SPOPL: variants seen among roughly 807,000 people sequenced by gnomAD.
SPOPL encodes the protein speckle-type POZ protein-like.
Under a neutral mutation model 53.8 loss-of-function variants are expected in SPOPL, and 23 were observed. That is an observed-to-expected ratio of 0.43 (90% CI 0.31 to 0.61). SPOPL has a LOEUF of 0.61. Ranked by LOEUF, SPOPL falls within the 20% of genes least tolerant of loss-of-function variation. The pLI is 0.12. For missense variants in SPOPL, 442 were observed against 466.9 expected (o/e 0.95, Z 0.49); for synonymous variants, 164 against 149.7 (o/e 1.10, Z -0.70).
intron 7 of SPOPL, 98 bp from the exon 8 acceptor site, chr2:138,560,707 A>C: frequency 7.7e-7 from 1 of 1,303,676 alleles, no homozygotes; most frequent in South Asian, 1.5e-5. Context: ...ATTTTAGTGT[A>C]GATTTAGGGC....
At chr2:138,507,954 T>G (rs1573864111) in intron 1 of SPOPL, among the ~76,000 whole-genome samples, 3 of 152,230 alleles carry the variant, frequency 2.0e-5, no homozygotes, top group Admixed American at 6.5e-5. Flanking sequence ...AGTGACTTAT[T>G]ATGGAAGAAA....
intron 1 of SPOPL, among the ~76,000 whole-genome samples, chr2:138,515,141 G>A (rs1050998712): frequency 2.0e-5 from 3 of 152,156 alleles, no homozygotes; most frequent in South Asian, 2.1e-4. Context: ...GAAAATTATA[G>A]CTCCGCAGTG....
At chr2:138,513,207 C>A (rs1215621705) in intron 1 of SPOPL, among the ~76,000 whole-genome samples, 1 of 152,194 alleles carries the variant, frequency 6.6e-6, no homozygotes, top group Non-Finnish European at 1.5e-5. Flanking sequence ...TGCCTGAGGC[C>A]AGGAGTTCTA....
chr2:138,551,129 G>A, intron 4 of SPOPL, 75 bp downstream of exon 4: 1 of 1,522,400 alleles, frequency 6.6e-7, no homozygotes, highest in East Asian at 2.3e-5. Flanking sequence ...CCTTTACCTA[G>A]AAAAGTCTGG....
intron 1 of SPOPL, among the ~76,000 whole-genome samples, chr2:138,509,869 G>T (rs1684291663): frequency 6.6e-6 from 1 of 152,068 alleles, no homozygotes; most frequent in Non-Finnish European, 1.5e-5. Context: ...CTACCATTAT[G>T]ATGTCTTTCA....
intron 1 of SPOPL, among the ~76,000 whole-genome samples, chr2:138,528,672 G>A (rs1253716153): frequency 1.3e-5 from 2 of 152,142 alleles, no homozygotes; most frequent in Admixed American, 1.3e-4. Context: ...TGTATACTTT[G>A]TCACATATGA....
chr2:138,558,320 TATTG>T (rs1685472698), intron 5 of SPOPL, among the ~76,000 whole-genome samples: 2 of 152,294 alleles, frequency 1.3e-5, no homozygotes, highest in Admixed American at 6.5e-5. Flanking sequence ...TCATACCTTT[TATTG>T]ATTATTTCTT....
At chr2:138,560,644 AT>A (rs902369849) in intron 7 of SPOPL, among the ~76,000 whole-genome samples, 160 bp from the exon 8 acceptor site, 48 of 152,096 alleles carry the variant, frequency 3.2e-4, no homozygotes, top group Admixed American at 1.2e-3. Flanking sequence ...ACCTACCTCA[AT>A]TTTAAAGTAG....
At chr2:138,542,882 C>G (rs1685105614) in intron 1 of SPOPL, among the ~76,000 whole-genome samples, 1 of 152,108 alleles carries the variant, frequency 6.6e-6, no homozygotes, top group South Asian at 2.1e-4. Flanking sequence ...ACCGGTTGTT[C>G]CTTTCCATGT....
intron 8 of SPOPL, among the ~76,000 whole-genome samples, chr2:138,563,429 C>T (rs1369379769): frequency 6.6e-6 from 1 of 152,118 alleles, no homozygotes; most frequent in Non-Finnish European, 1.5e-5. Flanking sequence ...CTATAATGAG[C>T]CCTAATTGTG....
chr2:138,539,207 CAT>C (rs367642490), intron 1 of SPOPL, among the ~76,000 whole-genome samples: 1,527 of 152,262 alleles, frequency 0.01, 48 homozygotes, highest in Admixed American at 0.063. Flanking sequence ...CTGCAATAAA[CAT>C]ATGTGTGCAT....
At chr2:138,525,272 C>T (rs2104867737) in intron 1 of SPOPL, among the ~76,000 whole-genome samples, 1 of 152,250 alleles carries the variant, frequency 6.6e-6, no homozygotes, top group East Asian at 1.9e-4. Flanking sequence ...GACTCATTCA[C>T]TATCATGAGA....
rs187982146 is a variant in SPOPL, at chr2:138,540,095, G to A, written c.-60-10062G>A. The stretch of plus-strand genomic sequence containing the variant: ...CTTTCTGAGGGCTCTGTTCTGTTCC[G>A]TTGGTCTATATCTCTGTTTTGTTAC... On this transcript the variant is annotated intron_variant, in intron 1 of 10. Coordinates refer to ENST00000280098, the MANE Select transcript of SPOPL (RefSeq NM_001001664.3). 2.7e-3 allele frequency among the ~76,000 whole-genome samples: 416 copies of A among 152,158 alleles called. 6 individuals are homozygous for A. Among genetic ancestry groups the A allele is most frequent in the East Asian group, 0.019 (97 of 5,162 alleles).
chr2:138,503,903 C>T (rs1573861008), intron 1 of SPOPL, among the ~76,000 whole-genome samples: 1 of 152,244 alleles, frequency 6.6e-6, no homozygotes, highest in East Asian at 1.9e-4. Context: ...GACTGGTGGC[C>T]GTTTTCTCTT....
At chr2:138,543,955 A>G (rs1351851272) in intron 1 of SPOPL, among the ~76,000 whole-genome samples, 2 of 152,232 alleles carry the variant, frequency 1.3e-5, no homozygotes, top group Non-Finnish European at 2.9e-5. Context: ...TCTAACAGTC[A>G]GGACCCTCAG....
chr2:138,521,534 A>G (rs577831670), intron 1 of SPOPL, among the ~76,000 whole-genome samples: 2 of 151,996 alleles, frequency 1.3e-5, no homozygotes, highest in African/African-American at 2.4e-5. Flanking sequence ...ACAGGGGTTC[A>G]CTCTTAGTTT....
intron 4 of SPOPL, 85 bp downstream of exon 4, chr2:138,551,139 G>A: frequency 6.7e-7 from 1 of 1,484,214 alleles, no homozygotes; most frequent in South Asian, 1.3e-5. Flanking sequence ...GAAAAGTCTG[G>A]GACTTTTTTC....
chr2:138,517,091 T>C (rs1315549177), intron 1 of SPOPL, among the ~76,000 whole-genome samples: 1 of 152,246 alleles, frequency 6.6e-6, no homozygotes, highest in East Asian at 1.9e-4. Flanking sequence ...AACACAATTA[T>C]ATTTTCAAAG....
At chr2:138,564,195 TA>T (rs1685610211) in intron 8 of SPOPL, among the ~76,000 whole-genome samples, 1 of 152,220 alleles carries the variant, frequency 6.6e-6, no homozygotes, top group African/African-American at 2.4e-5. Context: ...TATGGCTGTA[TA>T]AACTTAGCAG....
Sources: gnomAD v4.1 joint callset for allele counts (sites outside exome capture counted in the v4.1 genomes callset) on GRCh38, gnomAD v4.1.1 for gene constraint, MANE v1.5 for transcripts, NCBI Gene and HGNC (gene_info 2026-07-23, HGNC 2026-07-21) for gene names.